Variants in NTNG1 observed in about 807,000 individuals in gnomAD.
The protein encoded by NTNG1 is netrin G1, also known as netrin-G1.
In NTNG1, 16 loss-of-function variants were observed where a neutral mutation model predicts 54.0. That is an observed-to-expected ratio of 0.30 (90% CI 0.20 to 0.45). NTNG1 has a LOEUF of 0.45. NTNG1 is among the 20% of genes least tolerant of loss of function. The pLI, the probability that NTNG1 is intolerant of heterozygous loss-of-function variation, is 1.00. For missense variants in NTNG1, 530 were observed against 678.7 expected, an observed-to-expected ratio of 0.78 and a Z score of 2.43; for synonymous variants, 255 against 263.1, an observed-to-expected ratio of 0.97 and a Z score of 0.30.
rs138056121 is a variant in NTNG1 at position 107,181,687 on chromosome 1, G to A, written c.246+32848G>A. On this transcript the variant is annotated intron_variant, in intron 2 of 7. Coordinates refer to ENST00000370068, the MANE Select transcript of NTNG1 (RefSeq NM_001113226.3). Reference sequence around the variant, plus strand: ...TAATGAGATGTCAGCTCCCTCCCTTGCTGTACTGCGCTTCTTAATGTCCTT... The same window carrying A: ...TAATGAGATGTCAGCTCCCTCCCTTACTGTACTGCGCTTCTTAATGTCCTT... 5.4e-3 allele frequency among the ~76,000 whole-genome samples: 820 copies of A among 152,178 alleles called. 7 individuals are homozygous for A. The highest frequency in any genetic ancestry group is 6.8e-3 in the Non-Finnish European group (463 of 68,002).
chr1:107,432,370 C>T (rs1675325982), intron 6 of NTNG1, among the ~76,000 whole-genome samples: 1 of 152,174 alleles, frequency 6.6e-6, no homozygotes, highest in African/African-American at 2.4e-5. Flanking sequence ...CCAAATCTTA[C>T]AGCAAAGGGT....
At chr1:107,142,086 T>G in intron 1 of NTNG1, among the ~76,000 whole-genome samples, 1 of 152,110 alleles carries the variant, frequency 6.6e-6, no homozygotes, top group African/African-American at 2.4e-5. Context: ...TGGAATATTC[T>G]CTCATATTCT....
chr1:107,413,209 C>A (rs550826725), intron 5 of NTNG1, among the ~76,000 whole-genome samples: 1 of 150,344 alleles, frequency 6.7e-6, no homozygotes, highest in Non-Finnish European at 1.5e-5. Context: ...GTCACCCAGG[C>A]TGGAGTGCAG....
At chr1:107,358,549 T>C (rs1173401706) in intron 3 of NTNG1, among the ~76,000 whole-genome samples, 1 of 152,060 alleles carries the variant, frequency 6.6e-6, no homozygotes, top group Non-Finnish European at 1.5e-5. Context: ...GTCATCTTTT[T>C]CCAAACTAAT....
At chr1:107,371,351 G>A (rs1407683008) in intron 3 of NTNG1, among the ~76,000 whole-genome samples, 2 of 151,834 alleles carry the variant, frequency 1.3e-5, no homozygotes, top group Non-Finnish European at 2.9e-5. Flanking sequence ...TTTATATATT[G>A]TTGAATTCAT....
chr1:107,220,362 T>C (rs535015859), intron 2 of NTNG1, among the ~76,000 whole-genome samples: 81 of 152,346 alleles, frequency 5.3e-4, no homozygotes, highest in African/African-American at 1.9e-3. Flanking sequence ...TGGTATGTTC[T>C]TGTGGTAGTT....
At chr1:107,271,873 T>C (rs1245090390) in intron 2 of NTNG1, among the ~76,000 whole-genome samples, 1 of 152,170 alleles carries the variant, frequency 6.6e-6, no homozygotes, top group Admixed American at 6.5e-5. Flanking sequence ...GTCTTTTAAA[T>C]GCATTTTAAA....
chr1:107,194,929 GA>G (rs892996488), intron 2 of NTNG1, among the ~76,000 whole-genome samples: 5 of 151,434 alleles, frequency 3.3e-5, no homozygotes, highest in Non-Finnish European at 4.4e-5. Context: ...TTTCTATAGG[GA>G]AAAAAAAGGC....
intron 3 of NTNG1, among the ~76,000 whole-genome samples, chr1:107,364,210 A>G (rs1284647530): frequency 6.6e-6 from 1 of 152,204 alleles, no homozygotes. Flanking sequence ...AATTGTTTTC[A>G]GAATATACTT....
intron 3 of NTNG1, among the ~76,000 whole-genome samples, chr1:107,377,986 T>A (rs914836371): frequency 9.2e-5 from 14 of 152,326 alleles, no homozygotes; most frequent in Non-Finnish European, 1.6e-4. Context: ...GCCACACAGA[T>A]CTAATCCAAT....
chr1:107,464,867 A>T (rs142152698), intron 7 of NTNG1, among the ~76,000 whole-genome samples: 66 of 152,288 alleles, frequency 4.3e-4, no homozygotes, highest in African/African-American at 1.5e-3. Context: ...TAAAGTTTAA[A>T]TGTGATTCCT....
rs115248995 is a variant in NTNG1 at position 107,351,375 on chromosome 1, A to T, written c.887+26453A>T. 1.0e-2 allele frequency among the ~76,000 whole-genome samples: 1,522 copies of T among 152,326 alleles called. 35 individuals are homozygous for T. Among genetic ancestry groups the T allele is most frequent in the African/African-American group, 0.035 (1,458 of 41,564 alleles). The stretch of plus-strand genomic sequence containing the variant: ...TCACAGTTCTGCAGGCTATACAGGA[A>T]GCATGGCAGCAGCTGCTTCTGGGGA... On this transcript the variant is annotated intron_variant, in intron 3 of 7. Coordinates refer to ENST00000370068, the MANE Select transcript of NTNG1 (RefSeq NM_001113226.3).
intron 2 of NTNG1, among the ~76,000 whole-genome samples, chr1:107,204,587 A>G (rs781315060): frequency 5.3e-5 from 8 of 152,164 alleles, no homozygotes; most frequent in Non-Finnish European, 8.8e-5. Flanking sequence ...CACCATCTGA[A>G]TACAATCAAG....
At position 107,405,399 on chromosome 1, in the gene NTNG1, G is replaced by A. The variant is rs554664370; in HGVS notation, c.1061-2283G>A. On this transcript the variant is annotated intron_variant, in intron 4 of 7. Coordinates refer to ENST00000370068, the MANE Select transcript of NTNG1 (RefSeq NM_001113226.3). ...CAAAAAATTGTAAGCCACAAAATGAGGAACAGCCTGAATTTTAAGCAACCA... is the reference window on the plus strand; with the variant it reads ...CAAAAAATTGTAAGCCACAAAATGAAGAACAGCCTGAATTTTAAGCAACCA... Among the ~76,000 whole-genome samples, 7 of 152,130 alleles carry A rather than the reference G, an allele frequency of 4.6e-5. No homozygotes were observed. The South Asian group carries it at 1.5e-3, about 32-fold the overall frequency.
chr1:107,237,966 G>A (rs990173964), intron 2 of NTNG1, among the ~76,000 whole-genome samples: 1 of 152,130 alleles, frequency 6.6e-6, no homozygotes, highest in Non-Finnish European at 1.5e-5. Flanking sequence ...CCACCTAGTG[G>A]AGCTGTGAGA....
At chr1:107,459,473 CA>C (rs1427654768) in intron 7 of NTNG1, among the ~76,000 whole-genome samples, 1 of 149,580 alleles carries the variant, frequency 6.7e-6, no homozygotes, top group East Asian at 2.0e-4. Flanking sequence ...GCCTAAAGAA[CA>C]GAAAGAGAAG....
chr1:107,459,204 G>A (rs1677130743), intron 7 of NTNG1, among the ~76,000 whole-genome samples: 1 of 152,016 alleles, frequency 6.6e-6, no homozygotes, highest in African/African-American at 2.4e-5. Flanking sequence ...TATGCATATT[G>A]TTCAAAAAGA....
At chr1:107,220,298 C>A (rs962116862) in intron 2 of NTNG1, among the ~76,000 whole-genome samples, 2 of 152,182 alleles carry the variant, frequency 1.3e-5, no homozygotes, top group Non-Finnish European at 2.9e-5. Flanking sequence ...TCCCATGGAG[C>A]CTGCAGTGGC....
At chr1:107,389,937 G>A (rs183708044) in intron 3 of NTNG1, among the ~76,000 whole-genome samples, 34 of 152,296 alleles carry the variant, frequency 2.2e-4, no homozygotes, top group Admixed American at 5.9e-4. Context: ...CAAGTGGGAC[G>A]TCACAGAAGT....
Sources: allele counts gnomAD v4.1 joint callset (sites outside exome capture counted in the v4.1 genomes callset), GRCh38; gene constraint gnomAD v4.1.1; transcripts MANE v1.5; gene names NCBI Gene and HGNC (gene_info 2026-07-23, HGNC 2026-07-21).